The following PTDSS2 variants were observed in gnomAD, a reference collection of about 807,000 sequenced individuals.
PTDSS2 encodes the protein PSS-2.
In PTDSS2, 41 loss-of-function variants were observed where a neutral mutation model predicts 64.7. The observed-to-expected ratio is 0.63, with a 90% confidence interval of 0.49 to 0.82. The LOEUF is 0.82. Among genes scored for constraint, PTDSS2 ranks in the 40% least tolerant of loss-of-function variants. The probability of loss-of-function intolerance (pLI) is 0.00; values close to 1 mark genes in which losing one functional copy is unlikely to be tolerated. For missense variants in PTDSS2, 485 were observed against 650.0 expected (o/e 0.75, Z 2.76); for synonymous variants, 297 against 277.8 (o/e 1.07, Z -0.69).
intron 2 of PTDSS2, among the ~76,000 whole-genome samples, chr11:466,324 G>A (rs1430646695): frequency 6.6e-6 from 1 of 151,996 alleles, no homozygotes; most frequent in Non-Finnish European, 1.5e-5. Context: ...CACTGTGGAA[G>A]GCAAAAGGGG....
intron 6 of PTDSS2, among the ~76,000 whole-genome samples, chr11:487,931 C>G (rs1336037104): frequency 1.3e-5 from 2 of 152,232 alleles, no homozygotes; most frequent in Admixed American, 1.3e-4. Flanking sequence ...ACCCTGAGAC[C>G]TCACTGGGGG....
chr11:466,469 G>A (rs1278043344), intron 2 of PTDSS2, among the ~76,000 whole-genome samples: 4 of 146,888 alleles, frequency 2.7e-5, no homozygotes, highest in Admixed American at 1.4e-4. Context: ...GCAGTGGCAT[G>A]ATCTTGGGGC....
chr11:457,622 G>A (rs148239198), intron 1 of PTDSS2, among the ~76,000 whole-genome samples: 2 of 152,342 alleles, frequency 1.3e-5, no homozygotes, highest in African/African-American at 4.8e-5. Context: ...TGGTCGGAGG[G>A]ACCACAGTGT....
chr11:466,432 G>T (rs1414829018), intron 2 of PTDSS2, among the ~76,000 whole-genome samples: 1 of 142,326 alleles, frequency 7.0e-6, no homozygotes, highest in Non-Finnish European at 1.5e-5. Context: ...TTGAGACAGA[G>T]TATTGCTCTG....
In PTDSS2 at chr11:489,681, G is replaced by A; in HGVS notation, c.1063G>A (p.Val355Met). The A allele has an allele frequency of 2.5e-6, 4 of 1,601,060 alleles. No individual in the cohort carries two copies. Among genetic ancestry groups the A allele is most frequent in the Non-Finnish European group, 8.5e-7 (1 of 1,174,624 alleles). The change falls in exon 10 of 12, where the codon GTG (valine) becomes ATG (methionine). Residue 355 changes from valine to methionine, a missense_variant. Coordinates refer to ENST00000308020, the MANE Select transcript of PTDSS2 (RefSeq NM_030783.3). ...GGTCCTCCTGCGGCTCGTCTTCTTC[G>A]TGAACGTGGGTGGCGTGGCCATGCG... Reference protein sequence around the residue: ...YLVLLRLVFFVNVGGVAMREI... With the variant: ...YLVLLRLVFFMNVGGVAMREI...
intron 4 of PTDSS2, among the ~76,000 whole-genome samples, chr11:485,712 G>C (rs557455720): frequency 7.3e-6 from 1 of 136,102 alleles, no homozygotes; most frequent in East Asian, 2.1e-4. Flanking sequence ...GCGCAGGCGA[G>C]TGTAAACTGC....
chr11:454,643 A>G (rs921208447), intron 1 of PTDSS2, among the ~76,000 whole-genome samples: 1 of 152,164 alleles, frequency 6.6e-6, no homozygotes, highest in Non-Finnish European at 1.5e-5. Flanking sequence ...GGTCTCTACT[A>G]AAAATACAAA....
intron 2 of PTDSS2, among the ~76,000 whole-genome samples, chr11:469,825 G>C (rs1027345182): frequency 6.6e-6 from 1 of 152,184 alleles, no homozygotes; most frequent in South Asian, 2.1e-4. Context: ...CCCAGGATCA[G>C]CTGATCCTGG....
chr11:460,221 A>G lies in PTDSS2; in HGVS notation c.217A>G (p.Thr73Ala). The change falls in exon 2 of 12, where the codon ACC becomes GCC. Residue 73 changes from threonine to alanine, a missense_variant. Thr to Ala is a moderately conservative substitution (Grantham distance 58). Around this residue, in one of 3 missense-constraint regions of PTDSS2, gnomAD observed 251 missense variants for 348.0 expected, o/e 0.72. Transcript: ENST00000308020. This position sits in a 1 kb window ranked among gnomAD's most constrained non-coding sequence, Gnocchi z 5.8. ...CACCTTAACCGTGCTCTTCATCCTC[A>G]CCTGTACGCTTGGCTATGTGACGCT... is the stretch of plus-strand genomic sequence containing the variant. ...AHTLTVLFILTCTLGYVTLLE... is the reference protein window; with the variant it reads ...AHTLTVLFILACTLGYVTLLE... 6.2e-7 allele frequency: 1 copy of G among 1,614,030 alleles called. No individual in the cohort carries two copies. The highest frequency in any genetic ancestry group is 8.5e-7 in the Non-Finnish European group (1 of 1,179,986).
At chr11:473,824 C>A (rs1313837798) in intron 2 of PTDSS2, 71 bp from the exon 3 acceptor site, 19 of 1,179,822 alleles carry the variant, frequency 1.6e-5, no homozygotes, top group Non-Finnish European at 2.4e-5. Context: ...TCTGGGGGTC[C>A]CTGCAGCCTC....
At chr11:487,264 G>A (rs779218502) in intron 5 of PTDSS2, 156 bp from the exon 6 acceptor site, 248 of 918,392 alleles carry the variant, frequency 2.7e-4, no homozygotes, top group Non-Finnish European at 3.9e-4. Flanking sequence ...CTAGGCTGTC[G>A]TGGACGTGGT....
At chr11:450,722 C>T (rs1256869492) in intron 1 of PTDSS2, 85 bp downstream of exon 1, 19 of 1,115,296 alleles carry the variant, frequency 1.7e-5, no homozygotes, top group Non-Finnish European at 2.1e-5. Context: ...TCCCCGGCAG[C>T]GCCCTCTCGC....
chr11:449,972 G>C (rs188736690), upstream of PTDSS2, among the ~76,000 whole-genome samples: 277 of 152,314 alleles, frequency 1.8e-3, 1 homozygote, highest in Admixed American at 3.8e-3. Context: ...CGGGTCGCAT[G>C]GGGTGAAGGG....
intron 4 of PTDSS2, among the ~76,000 whole-genome samples, chr11:485,910 C>T (rs1455255644): frequency 6.9e-5 from 4 of 58,050 alleles, no homozygotes; most frequent in Non-Finnish European, 1.3e-4. Context: ...AAACAGTGCA[C>T]GGGCGCGCGT....
At chr11:478,024 T>A (rs751540532) in intron 3 of PTDSS2, among the ~76,000 whole-genome samples, 1 of 152,172 alleles carries the variant, frequency 6.6e-6, no homozygotes, top group Non-Finnish European at 1.5e-5. Context: ...GCCTCCTGCG[T>A]TTAGTCCGAA....
Position 479,199 on chromosome 11 carries a change from G to A in PTDSS2, c.435+47G>A, listed in dbSNP as rs1847952342. ...GATACCTGGGAACTTAGGTGACAGT[G>A]TGGCCCCAGGCATGGTGACAAAGGA... is the stretch of plus-strand genomic sequence containing the variant. On this transcript the variant is annotated intron_variant, in intron 4 of 11. Coordinates refer to ENST00000308020, the MANE Select transcript of PTDSS2 (RefSeq NM_030783.3). The surrounding 1 kb of genome is among the most constrained non-coding windows in gnomAD (Gnocchi z 4.2). 6.8e-7 allele frequency: 1 copy of A among 1,473,540 alleles called. No individual in the cohort carries two copies. Among genetic ancestry groups the A allele is most frequent in the African/African-American group, 1.4e-5 (1 of 72,112 alleles). The allele number at this position is 1,473,540 out of a possible 1,614,324, so 91.3% of individuals were successfully genotyped here. A position where few individuals can be genotyped will look rare whatever the true frequency, so the allele number is the denominator to read the frequency against.
intron 4 of PTDSS2, among the ~76,000 whole-genome samples, chr11:482,245 C>T (rs538057877): frequency 5.0e-5 from 6 of 119,398 alleles, no homozygotes; most frequent in African/African-American, 7.0e-5. Context: ...TTTTTTGAGA[C>T]GGAGTCTTGC....
At chr11:458,959 T>C (rs556456691) in intron 1 of PTDSS2, 6 of 152,372 alleles carry the variant, frequency 3.9e-5, no homozygotes, top group African/African-American at 1.2e-4. Flanking sequence ...AGTCAGAAGC[T>C]TCCCCATTTA....
intron 1 of PTDSS2, chr11:459,059 C>A (rs972007292): frequency 1.1e-4 from 16 of 147,326 alleles, no homozygotes; most frequent in African/African-American, 4.2e-4. Context: ...CGTGAGGACA[C>A]ACTCCGGTGA....
Sources: allele counts gnomAD v4.1 joint callset (sites outside exome capture counted in the v4.1 genomes callset), GRCh38; gene constraint gnomAD v4.1.1; regional missense constraint gnomAD v4.1.1; non-coding constraint Gnocchi (gnomAD v3.1); transcripts MANE v1.5; gene names NCBI Gene and HGNC (gene_info 2026-07-23, HGNC 2026-07-21).